TMEM181: variants seen among roughly 807,000 people sequenced by gnomAD.
The protein encoded by TMEM181 is transmembrane protein 181.
A neutral mutation model predicts 71.9 loss-of-function variants in TMEM181; 39 were observed. The observed-to-expected ratio is 0.54, with a 90% CI of 0.42 to 0.71. TMEM181 has a LOEUF of 0.71. TMEM181 is among the 30% of genes least tolerant of loss of function. TMEM181 has a pLI of 0.00. For synonymous variants in TMEM181, 245 were observed against 228.8 expected (o/e 1.07, Z -0.64); for missense variants, 595 against 583.0 (o/e 1.02, Z -0.21).
At chr6:158,624,468 G>T (rs16900883) in intron 11 of TMEM181, among the ~76,000 whole-genome samples, 46,022 of 152,124 alleles carry the variant, frequency 0.3, 7,437 homozygotes, top group East Asian at 0.66. Context: ...GAGGAGCGGG[G>T]ACTGCGTCTA....
At chr6:158,548,456 G>C (rs1480011993) in intron 1 of TMEM181, among the ~76,000 whole-genome samples, 3 of 152,186 alleles carry the variant, frequency 2.0e-5, no homozygotes, top group Admixed American at 6.5e-5. Context: ...GTTTGTCTGG[G>C]ACTGAGGGCG....
chr6:158,576,145 G>T (rs906293226), intron 2 of TMEM181, among the ~76,000 whole-genome samples: 7 of 152,170 alleles, frequency 4.6e-5, no homozygotes, highest in Admixed American at 1.3e-4. Context: ...TCTGTTGAAG[G>T]CTTGCCACTT....
At chr6:158,601,937 C>T (rs975887529) in intron 6 of TMEM181, among the ~76,000 whole-genome samples, 2 of 152,080 alleles carry the variant, frequency 1.3e-5, no homozygotes, top group African/African-American at 2.4e-5. Context: ...TGCCCATTAC[C>T]ATCTATTGTT....
Position 158,579,634 on chromosome 6 carries a change from G to C in TMEM181, c.113-1306G>C, listed in dbSNP as rs184235200. On this transcript the variant is annotated intron_variant, in intron 2 of 16. Transcript: ENST00000684151. ...CTTGGGAGGCTGAGGCAGGAGAATC[G>C]CTTGAACCTGGGAGGCAGAGGTTGC... Among the ~76,000 whole-genome samples the C allele has an allele frequency of 2.0e-5, 3 of 151,020 alleles. No individual in the cohort carries two copies. In the South Asian group the frequency reaches 6.3e-4, roughly 32 times the overall value.
upstream of TMEM181, among the ~76,000 whole-genome samples, chr6:158,557,610 T>G (rs1264956624): frequency 6.6e-6 from 1 of 152,076 alleles, no homozygotes; most frequent in Non-Finnish European, 1.5e-5. Flanking sequence ...CTCCACCCCC[T>G]GGGTTTAAGC....
At chr6:158,624,935 G>A (rs1004976364) in intron 11 of TMEM181, among the ~76,000 whole-genome samples, 169 bp from the exon 12 acceptor site, 1 of 152,226 alleles carries the variant, frequency 6.6e-6, no homozygotes, top group Non-Finnish European at 1.5e-5. Context: ...GCTCGCAGCG[G>A]GACTGAGCAG....
Position 158,544,877 on chromosome 6 carries a change from A to G in TMEM181, c.131+8012A>G, listed in dbSNP as rs900214637. Among the ~76,000 whole-genome samples the G allele has an allele frequency of 6.1e-4, 93 of 152,258 alleles. 1 individual carries two copies. The highest frequency in any genetic ancestry group is 1.4e-4 in the African/African-American group (6 of 41,470). ...CCTTGAGAACGTCATACATGCTTCC[A>G]TAACTTAAAAAAATTAAATTACCCT... On this transcript the variant is annotated intron_variant, in intron 1 of 16. Transcript: ENST00000367090.
chr6:158,610,341 C>G (rs570570727), intron 10 of TMEM181: 31 of 288,360 alleles, frequency 1.1e-4, no homozygotes, highest in Admixed American at 1.0e-3. Context: ...ACAGCTCCCC[C>G]CGTAGGCAAT....
intron 10 of TMEM181, 61 bp from the exon 11 acceptor site, chr6:158,623,489 A>G (rs1786092013): frequency 8.5e-7 from 1 of 1,176,150 alleles, no homozygotes; most frequent in Admixed American, 2.9e-5. Context: ...ATAAGAAAAA[A>G]TGTAAAATAA....
intron 10 of TMEM181, chr6:158,621,426 C>T (rs1430009711): frequency 4.5e-6 from 1 of 221,478 alleles, no homozygotes; most frequent in Non-Finnish European, 1.0e-5. Flanking sequence ...GGATGAGCCC[C>T]AGGATAACCT....
At chr6:158,628,330 G>T (rs1203734727) in intron 13 of TMEM181, 78 bp from the exon 14 acceptor site, 9 of 1,361,160 alleles carry the variant, frequency 6.6e-6, no homozygotes, top group Non-Finnish European at 9.4e-6. Context: ...CTTGAATGGG[G>T]TGAATAGAGA....
Position 158,632,354 on chromosome 6 carries a change from C to G in TMEM181, c.*466C>G. 5.7e-6 allele frequency: 1 copy of G among 174,538 alleles called. No individual in the cohort carries two copies. Among genetic ancestry groups the G allele is most frequent in the South Asian group, 1.2e-4 (1 of 8,126 alleles). The allele number at this position is 174,538 out of a possible 1,614,324, so 10.8% of individuals were successfully genotyped here. The stretch of plus-strand genomic sequence containing the variant: ...AGGGAAGCCTTATCTGTGGCTGCTT[C>G]AGGGCAGTCCTTCCTCGTTGAGTGG... On this transcript the variant is annotated 3_prime_UTR_variant, in exon 17 of 17. Transcript: ENST00000684151.
intron 3 of TMEM181, among the ~76,000 whole-genome samples, chr6:158,581,901 T>C (rs1407532465): frequency 6.6e-6 from 1 of 151,932 alleles, no homozygotes; most frequent in African/African-American, 2.4e-5. Context: ...GTGTGAAACA[T>C]AACTTTACCT....
rs1786863740 is a variant in TMEM181 at position 158,634,912 on chromosome 6, A to G, written c.*3024A>G. Reference sequence around the variant, plus strand: ...AAAAACACAGACCCTCATAAAAGGGATAATTAAAACGGATGTGTCTGAACA... The same window carrying G: ...AAAAACACAGACCCTCATAAAAGGGGTAATTAAAACGGATGTGTCTGAACA... On this transcript the variant is annotated 3_prime_UTR_variant, in exon 17 of 17. Transcript: ENST00000684151. 6.6e-6 allele frequency: 1 copy of G among 152,158 alleles called. No individual in the cohort carries two copies. The allele number at this position is 152,158 out of a possible 1,614,324, so 9.4% of individuals were successfully genotyped here.
chr6:158,588,425 T>C (rs904246463), intron 5 of TMEM181, among the ~76,000 whole-genome samples: 3 of 152,156 alleles, frequency 2.0e-5, no homozygotes, highest in Non-Finnish European at 2.9e-5. Context: ...TCCCTGACAG[T>C]TGCCCTCTTG....
intron 6 of TMEM181, among the ~76,000 whole-genome samples, chr6:158,598,986 G>C (rs1405082446): frequency 1.3e-5 from 2 of 152,168 alleles, no homozygotes; most frequent in Non-Finnish European, 2.9e-5. Context: ...TAAACATGGG[G>C]ACCCAGGCTG....
At chr6:158,561,035 G>A (rs1466930022) in intron 1 of TMEM181, among the ~76,000 whole-genome samples, 1 of 152,192 alleles carries the variant, frequency 6.6e-6, no homozygotes. Flanking sequence ...CATATGTGCA[G>A]CCGCGCCTGG....
rs753090759 is a variant in TMEM181, at chr6:158,608,728, G to C, written c.874G>C (p.Val292Leu). 1.2e-6 allele frequency: 2 copies of C among 1,613,358 alleles called. No individual in the cohort carries two copies. The highest frequency in any genetic ancestry group is 1.7e-6 in the Non-Finnish European group (2 of 1,179,840). The change falls in exon 10 of 17, where the codon GTT (valine) becomes CTT (leucine). Residue 292 changes from valine to leucine, a missense_variant. Coordinates refer to ENST00000684151, the MANE Select transcript of TMEM181 (RefSeq NM_001376852.1). ...FIVGLLWLAS[V>L]TLGIWQTVNE... ...TGTTGGACTATTGTGGTTGGCTTCT[G>C]TTACGCTAGGAATATGGCAAACGTG...
At chr6:158,546,858 G>T (rs1217822767) in intron 1 of TMEM181, among the ~76,000 whole-genome samples, 1 of 152,202 alleles carries the variant, frequency 6.6e-6, no homozygotes, top group East Asian at 1.9e-4. Flanking sequence ...TGCTTGTGAG[G>T]CTGAGGCCGG....
Sources: gnomAD v4.1 joint callset for allele counts (sites outside exome capture counted in the v4.1 genomes callset) on GRCh38, gnomAD v4.1.1 for gene constraint, MANE v1.5 for transcripts, NCBI Gene and HGNC (gene_info 2026-07-23, HGNC 2026-07-21) for gene names.